Variants in ADAMTSL2 observed in about 807,000 individuals in gnomAD.
ADAMTSL2 encodes ADAMTS like 2.
ADAMTSL2 carries 55 observed loss-of-function variants against 117.0 expected under a neutral mutation model. The ratio of observed to expected loss-of-function variants is 0.47; its 90% CI spans 0.38 to 0.59. The LOEUF (loss-of-function observed/expected upper bound fraction) is 0.59, where lower values mean the gene tolerates loss of function less well. ADAMTSL2 is among the 20% of genes least tolerant of loss of function. ADAMTSL2 has a pLI of 0.00. For synonymous variants in ADAMTSL2, 572 were observed against 566.4 expected, an observed-to-expected ratio of 1.01 and a Z score of -0.14; for missense variants, 1,182 against 1,354.5, an observed-to-expected ratio of 0.87 and a Z score of 2.00.
chr9:133,553,503 A>G (rs1830534271), intron 9 of ADAMTSL2, among the ~76,000 whole-genome samples: 1 of 151,752 alleles, frequency 6.6e-6, no homozygotes, highest in African/African-American at 2.4e-5. Flanking sequence ...GCCCCAGCCA[A>G]CTCTCAAACA....
chr9:133,540,564 G>T (rs373873070), intron 5 of ADAMTSL2, 34 bp from the exon 6 acceptor site: 2 of 1,610,968 alleles, frequency 1.2e-6, no homozygotes, highest in East Asian at 2.2e-5. Context: ...TTCCTGCCCC[G>T]CTGAAACCTT....
intron 13 of ADAMTSL2, 118 bp from the exon 14 acceptor site, chr9:133,568,155 C>T (rs1021292158): frequency 2.4e-5 from 25 of 1,053,948 alleles, no homozygotes; most frequent in South Asian, 2.9e-5. Flanking sequence ...TTGTTGTGTG[C>T]GGTTTTGGAC....
Position 133,556,012 on chromosome 9 carries a change from C to T in ADAMTSL2, c.1649+82C>T, listed in dbSNP as rs1005544056. On this transcript the variant is annotated intron_variant, in intron 11 of 18. Coordinates refer to ENST00000651351, the MANE Select transcript of ADAMTSL2 (RefSeq NM_014694.4). ...AGGCCAGGTAGAAAGTGAGGCCCCA[C>T]TGGGGGGGTCTGGCCAGAAGGGCTG... The T allele has an allele frequency of 1.4e-5, 22 of 1,537,242 alleles. No individual in the cohort carries two copies. The African/African-American group carries it at 2.9e-4, about 20-fold the overall frequency.
In ADAMTSL2 at chr9:133,573,766, G is replaced by A. The variant is rs1401259974; in HGVS notation, c.2593-77G>A. On this transcript the variant is annotated intron_variant, in intron 17 of 18. Coordinates refer to ENST00000651351, the MANE Select transcript of ADAMTSL2 (RefSeq NM_014694.4). ...GGGTGGGGTGGGGAAGGGGGAGTGTGCAGGTTCCCCGCCCCCTGCCCAGGC... is the reference window on the plus strand; with the variant it reads ...GGGTGGGGTGGGGAAGGGGGAGTGTACAGGTTCCCCGCCCCCTGCCCAGGC... 9 of 1,583,632 alleles carry A rather than the reference G, an allele frequency of 5.7e-6. No individual in the cohort carries two copies. In the African/African-American group the frequency reaches 1.2e-4, roughly 21 times the overall value.
chr9:133,559,950 G>A (rs1830689567), intron 11 of ADAMTSL2, among the ~76,000 whole-genome samples: 1 of 152,226 alleles, frequency 6.6e-6, no homozygotes, highest in South Asian at 2.1e-4. Context: ...GTGTGGTCAA[G>A]GCAGCGTTCA....
intron 13 of ADAMTSL2, 56 bp downstream of exon 13, chr9:133,567,118 G>A (rs1830992893): frequency 2.6e-6 from 4 of 1,563,068 alleles, no homozygotes; most frequent in Non-Finnish European, 3.4e-6. Context: ...GAGGGGCTCT[G>A]CCCAAAGGAG....
chr9:133,534,422 C>G (rs944195243), upstream of ADAMTSL2: 3 of 273,882 alleles, frequency 1.1e-5, no homozygotes, highest in Non-Finnish European at 2.0e-5. Flanking sequence ...CCAGCCTCCC[C>G]GGTAACCTCA....
At chr9:133,541,509 G>A (rs763739862) in intron 7 of ADAMTSL2, among the ~76,000 whole-genome samples, 17 of 152,070 alleles carry the variant, frequency 1.1e-4, no homozygotes, top group South Asian at 6.2e-4. Context: ...GGCTGGTTTC[G>A]AACTCCTGAC....
intron 8 of ADAMTSL2, among the ~76,000 whole-genome samples, chr9:133,546,794 C>A (rs547011935): frequency 3.0e-4 from 45 of 152,320 alleles, no homozygotes; most frequent in Non-Finnish European, 1.2e-4. Context: ...CCAAATGGGT[C>A]CCCAGCCAGC....
chr9:133,561,074 T>C, intron 11 of ADAMTSL2, 124 bp from the exon 12 acceptor site: 1 of 824,424 alleles, frequency 1.2e-6, no homozygotes, highest in Non-Finnish European at 2.1e-6. Flanking sequence ...GGCCCGGGGC[T>C]CAGGACAGGT....
chr9:133,574,083 G>C, intron 18 of ADAMTSL2, 96 bp downstream of exon 18: 1 of 1,479,136 alleles, frequency 6.8e-7, no homozygotes. Context: ...TGCTCACCTT[G>C]ATGGCGAGCC....
intron 7 of ADAMTSL2, among the ~76,000 whole-genome samples, chr9:133,542,339 C>T (rs1401585731): frequency 2.0e-5 from 3 of 152,174 alleles, no homozygotes; most frequent in African/African-American, 4.8e-5. Context: ...CTCTAGGAGC[C>T]GCTAAGGTGT....
At chr9:133,569,310 C>A (rs1831050326) in intron 15 of ADAMTSL2, 98 bp from the exon 16 acceptor site, 1 of 1,311,966 alleles carries the variant, frequency 7.6e-7, no homozygotes, top group Non-Finnish European at 1.1e-6. Context: ...TTCGACACTG[C>A]CTGGGAGCCA....
At chr9:133,564,291 G>GGAGA (rs1161424173) in intron 12 of ADAMTSL2, among the ~76,000 whole-genome samples, 347 of 7,024 alleles carry the variant, frequency 0.049, 100 homozygotes, top group Middle Eastern at 0.25. Context: ...AGAGAGAGAG[G>GGAGA]GAGAGAGAGG....
intron 12 of ADAMTSL2, among the ~76,000 whole-genome samples, chr9:133,564,543 A>G (rs1830898535): frequency 1.0e-5 from 1 of 97,908 alleles, no homozygotes; most frequent in African/African-American, 4.3e-5. Flanking sequence ...ACAGAGAGGG[A>G]GAGAGGGAGA....
chr9:133,540,969 C>CG lies in ADAMTSL2; in HGVS notation c.653dup (p.Asn219GlnfsTer34). 1 of 1,613,464 alleles carries CG rather than the reference C, an allele frequency of 6.2e-7. No homozygotes were observed. The highest frequency in any genetic ancestry group is 8.5e-7 in the Non-Finnish European group (1 of 1,180,028). On this transcript the variant is annotated frameshift_variant, in exon 7 of 19. Coordinates refer to ENST00000651351, the MANE Select transcript of ADAMTSL2 (RefSeq NM_014694.4). LOFTEE classifies it high-confidence loss of function. ...GACGGTAGCAGCTGCACCCACGTGA[C>CG]GGGCAACTATCGCAAGGGGAATGCC...
rs1319876668 is a variant in ADAMTSL2 at position 133,549,247 on chromosome 9, G to A, written c.939+2034G>A. ...TCTCGATCTCCTGACCTCGTGATCCGCCCGCCTCGGCCTCCCAAAGTGCTG... is the reference window on the plus strand; with the variant it reads ...TCTCGATCTCCTGACCTCGTGATCCACCCGCCTCGGCCTCCCAAAGTGCTG... On this transcript the variant is annotated intron_variant, in intron 9 of 18. Coordinates refer to ENST00000651351, the MANE Select transcript of ADAMTSL2 (RefSeq NM_014694.4). Among the ~76,000 whole-genome samples, 2 of 5,482 alleles carry A rather than the reference G, an allele frequency of 3.6e-4. 1 individual carries two copies. Among genetic ancestry groups the A allele is most frequent in the Non-Finnish European group, 4.0e-3 (2 of 506 alleles). 3.6% of individuals were successfully genotyped at this position (5,482 alleles called of 152,430 possible).
chr9:133,539,732 G>C lies in ADAMTSL2; in HGVS notation c.310-39G>C, dbSNP rs775531372. The C allele has an allele frequency of 2.6e-6, 3 of 1,166,402 alleles. No homozygotes were observed. In the African/African-American group the frequency reaches 7.6e-5, roughly 30 times the overall value. 72.3% of individuals were successfully genotyped at this position (1,166,402 alleles called of 1,614,324 possible). ...TGGACAAAAATGCCTTTGTCGGGCC[G>C]AGTTCCTCCCGGAGCCTCCCTGTCC... is the stretch of plus-strand genomic sequence containing the variant. On this transcript the variant is annotated intron_variant, in intron 4 of 18. Transcript: ENST00000651351.
intron 12 of ADAMTSL2, among the ~76,000 whole-genome samples, chr9:133,564,513 GGAGAGGGAGAGAGAGA>G (rs1830895338): frequency 9.3e-5 from 1 of 10,748 alleles, no homozygotes; most frequent in Non-Finnish European, 2.0e-4. Flanking sequence ...AGAGAGAGAG[GGAGAGGGAGAGAGAGA>G]GAGACAGAGA....
Sources: allele counts gnomAD v4.1 joint callset (sites outside exome capture counted in the v4.1 genomes callset), GRCh38; gene constraint gnomAD v4.1.1; transcripts MANE v1.5; gene names NCBI Gene and HGNC (gene_info 2026-07-23, HGNC 2026-07-21).